The following TMEM236 variants were observed in gnomAD, a reference collection of about 807,000 sequenced individuals.
The protein encoded by TMEM236 is transmembrane protein 236, also known as family with sequence similarity 23, member A.
Under a neutral mutation model 14.7 loss-of-function variants are expected in TMEM236, and 11 were observed. The ratio of observed to expected loss-of-function variants is 0.75; its 90% CI spans 0.47 to 1.24. The LOEUF is 1.24. Among genes scored for constraint, TMEM236 ranks in the 50% most tolerant of loss-of-function variants. The probability of loss-of-function intolerance (pLI) is 0.00; values close to 1 mark genes in which losing one functional copy is unlikely to be tolerated. For missense variants in TMEM236, 464 were observed against 427.3 expected, an observed-to-expected ratio of 1.09 and a Z score of -0.76; for synonymous variants, 182 against 168.6, an observed-to-expected ratio of 1.08 and a Z score of -0.62.
Position 17,798,971 on chromosome 10 carries a change from T to C in TMEM236, c.*2467T>C, listed in dbSNP as rs1306343945. On this transcript the variant is annotated 3_prime_UTR_variant, in exon 4 of 4. Transcript: ENST00000377495. The stretch of plus-strand genomic sequence containing the variant: ...CCTCTGGGAATAATCATTTCAACTT[T>C]GCATTTGTGAAAAATAATACATACA... The C allele has an allele frequency of 6.4e-6, 2 of 312,832 alleles. No homozygotes were observed. Among genetic ancestry groups the C allele is most frequent in the African/African-American group, 4.3e-5 (2 of 45,984 alleles). The allele number at this position is 312,832 out of a possible 1,614,324, so 19.4% of individuals were successfully genotyped here. A position where few individuals can be genotyped will look rare whatever the true frequency, so the allele number is the denominator to read the frequency against.
chr10:17,791,693 T>C (rs1837928124), intron 3 of TMEM236, among the ~76,000 whole-genome samples: 2 of 152,336 alleles, frequency 1.3e-5, no homozygotes, highest in African/African-American at 4.8e-5. Flanking sequence ...CAAGTTCTTT[T>C]CTCCATTCTT....
At chr10:17,774,459 A>T (rs1837625936) in intron 2 of TMEM236, among the ~76,000 whole-genome samples, 1 of 152,168 alleles carries the variant, frequency 6.6e-6, no homozygotes, top group African/African-American at 2.4e-5. Context: ...TTTTCCCCAC[A>T]TAACATTCAA....
chr10:17,764,228 T>C (rs2131744143), intron 1 of TMEM236, among the ~76,000 whole-genome samples: 1 of 152,334 alleles, frequency 6.6e-6, no homozygotes, highest in South Asian at 2.1e-4. Context: ...GCCAGAATCC[T>C]TGCTGCACAA....
intron 3 of TMEM236, among the ~76,000 whole-genome samples, chr10:17,787,667 C>A (rs981946489): frequency 6.6e-6 from 1 of 152,182 alleles, no homozygotes; most frequent in Non-Finnish European, 1.5e-5. Flanking sequence ...CATATCAATA[C>A]CAGGCACTCC....
intron 3 of TMEM236, among the ~76,000 whole-genome samples, chr10:17,780,107 G>T (rs1837722687): frequency 6.6e-6 from 1 of 152,134 alleles, no homozygotes; most frequent in Admixed American, 6.5e-5. Flanking sequence ...GGGCTTCAGT[G>T]ATTTCAGGTA....
chr10:17,775,180 G>A (rs1057270344), intron 2 of TMEM236, among the ~76,000 whole-genome samples: 1 of 152,156 alleles, frequency 6.6e-6, no homozygotes, highest in Admixed American at 6.5e-5. Flanking sequence ...GGCCATGGTG[G>A]CATCTTTGTC....
intron 1 of TMEM236, among the ~76,000 whole-genome samples, chr10:17,767,545 T>C (rs1055161698): frequency 2.6e-5 from 4 of 152,172 alleles, no homozygotes; most frequent in Non-Finnish European, 5.9e-5. Flanking sequence ...AAATAAAACA[T>C]AGACTTGGGT....
intron 1 of TMEM236, among the ~76,000 whole-genome samples, chr10:17,768,955 AG>A (rs1837522994): frequency 6.6e-6 from 1 of 152,194 alleles, no homozygotes; most frequent in African/African-American, 2.4e-5. Context: ...TTAAGGGTAC[AG>A]TTCGGTGGCA....
At chr10:17,788,250 A>C (rs1275869550) in intron 3 of TMEM236, among the ~76,000 whole-genome samples, 1 of 151,232 alleles carries the variant, frequency 6.6e-6, no homozygotes, top group Non-Finnish European at 1.5e-5. Flanking sequence ...TGTAAATTAA[A>C]TAACATTTTC....
intron 2 of TMEM236, 106 bp from the exon 3 acceptor site, chr10:17,775,923 G>T (rs1243171009): frequency 1.4e-6 from 2 of 1,421,682 alleles, no homozygotes; most frequent in Non-Finnish European, 2.0e-6. Context: ...TAGTTTTTTA[G>T]TAAATGTAAT....
At chr10:17,771,489 A>G (rs1214891041) in intron 2 of TMEM236, 108 bp downstream of exon 2, 1 of 1,035,466 alleles carries the variant, frequency 9.7e-7, no homozygotes, top group African/African-American at 1.6e-5. Context: ...ACATCTATGT[A>G]ATCCAATCTT....
intron 3 of TMEM236, among the ~76,000 whole-genome samples, chr10:17,787,315 C>T (rs1054748415): frequency 2.0e-5 from 3 of 152,202 alleles, no homozygotes; most frequent in African/African-American, 7.2e-5. Context: ...TGAGCTAAGT[C>T]CCCTTAGTGT....
At position 17,796,766 on chromosome 10, in the gene TMEM236, T is replaced by A; in HGVS notation, c.*262T>A. 1 of 460,876 alleles carries A rather than the reference T, an allele frequency of 2.2e-6. No individual in the cohort carries two copies. Among genetic ancestry groups the A allele is most frequent in the South Asian group, 2.2e-5 (1 of 46,286 alleles). The allele number at this position is 460,876 out of a possible 1,614,324, so 28.5% of individuals were successfully genotyped here. A position where few individuals can be genotyped will look rare whatever the true frequency, so the allele number is the denominator to read the frequency against. ...TAGCAGCTAATTTTAGTTAGTTATG[T>A]ATACTGAGGTCCCCAACCCCTGGAC... On this transcript the variant is annotated 3_prime_UTR_variant, in exon 4 of 4. Coordinates refer to ENST00000377495, the MANE Select transcript of TMEM236 (RefSeq NM_001098844.3).
At chr10:17,784,240 G>T (rs1314058516) in intron 3 of TMEM236, among the ~76,000 whole-genome samples, 3 of 152,058 alleles carry the variant, frequency 2.0e-5, no homozygotes, top group East Asian at 3.8e-4. Flanking sequence ...TTCTCTATAG[G>T]ATACAAGTTG....
At chr10:17,766,277 G>T (rs1332686384) in intron 1 of TMEM236, among the ~76,000 whole-genome samples, 1 of 152,114 alleles carries the variant, frequency 6.6e-6, no homozygotes, top group African/African-American at 2.4e-5. Context: ...TTACTTACAA[G>T]TTCTACTTTC....
At position 17,800,654 on chromosome 10, in the gene TMEM236, G is replaced by T. The variant is rs1008904914; in HGVS notation, c.*4150G>T. ...CTAATACATAATTGCCTTGTGCTGT[G>T]TACCTTGGAGCAGGGCCTTACATAG... On this transcript the variant is annotated 3_prime_UTR_variant, in exon 4 of 4. Coordinates refer to ENST00000377495, the MANE Select transcript of TMEM236 (RefSeq NM_001098844.3). The T allele has an allele frequency of 2.6e-5, 4 of 152,134 alleles. No individual in the cohort carries two copies. Among genetic ancestry groups the T allele is most frequent in the African/African-American group, 4.8e-5 (2 of 41,418 alleles). 9.4% of individuals were successfully genotyped at this position (152,134 alleles called of 1,614,324 possible).
rs1057499656 is a variant in TMEM236 at position 17,774,938 on chromosome 10, C to T, written c.331-1091C>T. ...TCAGTGTCCTGAGTAGCTGGGACCA[C>T]TGGCATGTGCCACCATGCCTGGCTA... On this transcript the variant is annotated intron_variant, in intron 2 of 3. Transcript: ENST00000377495. 1.5e-3 allele frequency among the ~76,000 whole-genome samples: 235 copies of T among 152,232 alleles called. 1 individual carries two copies. The highest frequency in any genetic ancestry group is 5.2e-3 in the African/African-American group (217 of 41,530).
chr10:17,770,263 A>T (rs1837547549), intron 1 of TMEM236, among the ~76,000 whole-genome samples: 1 of 152,230 alleles, frequency 6.6e-6, no homozygotes, highest in African/African-American at 2.4e-5. Flanking sequence ...AACATAATAT[A>T]TATTAACGAA....
At chr10:17,788,734 G>A (rs1837876418) in intron 3 of TMEM236, among the ~76,000 whole-genome samples, 1 of 152,070 alleles carries the variant, frequency 6.6e-6, no homozygotes, top group Non-Finnish European at 1.5e-5. Flanking sequence ...TTTACACAAT[G>A]AGTGGCATGG....
Sources: gnomAD v4.1 joint callset for allele counts (sites outside exome capture counted in the v4.1 genomes callset) on GRCh38, gnomAD v4.1.1 for gene constraint, MANE v1.5 for transcripts, NCBI Gene and HGNC (gene_info 2026-07-23, HGNC 2026-07-21) for gene names.